The following C12orf42 variants were observed in gnomAD, a reference collection of about 807,000 sequenced individuals.
The protein encoded by C12orf42 is uncharacterized protein C12orf42.
C12orf42 carries 25 observed loss-of-function variants against 21.6 expected under a neutral mutation model. The ratio of observed to expected loss-of-function variants is 1.16; its 90% confidence interval spans 0.84 to 1.62. The LOEUF is 1.62. Among genes scored for constraint, C12orf42 ranks in the 40% most tolerant of loss-of-function variants. C12orf42 has a pLI of 0.00. For synonymous variants in C12orf42, 174 were observed against 175.0 expected (o/e 0.99, Z 0.05); for missense variants, 483 against 459.3 (o/e 1.05, Z -0.47).
At chr12:103,111,816 C>A in the C12orf42 span, among the ~76,000 whole-genome samples, 1 of 152,082 alleles carries the variant, frequency 6.6e-6, no homozygotes, top group Non-Finnish European at 1.5e-5. Flanking sequence ...CAGAATTTAC[C>A]TACATTATCA....
At chr12:103,235,505 C>T (rs532531791), downstream of C12orf42, among the ~76,000 whole-genome samples, 1 of 152,040 alleles carries the variant, frequency 6.6e-6, no homozygotes, top group Non-Finnish European at 1.5e-5. Flanking sequence ...TATTTTAATC[C>T]ATTGTTGGTA....
chr12:103,181,693 T>C, the C12orf42 span, among the ~76,000 whole-genome samples: 1 of 152,242 alleles, frequency 6.6e-6, no homozygotes, highest in Non-Finnish European at 1.5e-5. Context: ...ACGCAACAAA[T>C]TCTACTCTGT....
chr12:103,487,331 G>T (rs1954901199), intron 1 of C12orf42, among the ~76,000 whole-genome samples: 1 of 152,144 alleles, frequency 6.6e-6, no homozygotes, highest in African/African-American at 2.4e-5. Flanking sequence ...AATTTCTTGT[G>T]ATTTCTGTTC....
chr12:103,443,346 A>G (rs1951376658), intron 2 of C12orf42, among the ~76,000 whole-genome samples: 1 of 152,066 alleles, frequency 6.6e-6, no homozygotes, highest in South Asian at 2.1e-4. Flanking sequence ...GTCAATATCC[A>G]GTGACCTTCT....
rs895360607 is a variant in C12orf42, at chr12:103,442,052, G to A, written c.78+36297C>T. ...CCAGCTACTCAGGAGGCTGAAGTGG[G>A]AGGATCACTTGAGCCCAGGAGTTTA... On this transcript the variant is annotated intron_variant, in intron 2 of 5. Coordinates refer to ENST00000548883, the MANE Select transcript of C12orf42 (RefSeq NM_198521.5). Among the ~76,000 whole-genome samples the A allele has an allele frequency of 2.0e-5, 3 of 152,082 alleles. No homozygotes were observed. The South Asian group carries it at 6.2e-4, about 32-fold the overall frequency.
At chr12:103,347,686 T>C (rs1205947593) in intron 4 of C12orf42, among the ~76,000 whole-genome samples, 1 of 152,148 alleles carries the variant, frequency 6.6e-6, no homozygotes, top group Non-Finnish European at 1.5e-5. Context: ...TGCTTGATTC[T>C]AAAAGGCATT....
chr12:103,285,930 CAATT>C (rs1210563983), intron 4 of C12orf42, among the ~76,000 whole-genome samples: 1 of 152,044 alleles, frequency 6.6e-6, no homozygotes, highest in East Asian at 1.9e-4. Context: ...AGTAGGTGCT[CAATT>C]AATATGTGCT....
the C12orf42 span, among the ~76,000 whole-genome samples, chr12:103,535,874 C>T: frequency 6.6e-6 from 1 of 152,136 alleles, no homozygotes; most frequent in Non-Finnish European, 1.5e-5. Flanking sequence ...ATTGCCTGGT[C>T]TCAATTGACC....
At chr12:103,335,235 G>A (rs1174355434) in intron 4 of C12orf42, among the ~76,000 whole-genome samples, 1 of 152,216 alleles carries the variant, frequency 6.6e-6, no homozygotes, top group African/African-American at 2.4e-5. Flanking sequence ...TGCATAAGAG[G>A]AGAGTATAAA....
At chr12:103,296,179 C>A (rs906713045) in intron 4 of C12orf42, among the ~76,000 whole-genome samples, 2 of 152,118 alleles carry the variant, frequency 1.3e-5, no homozygotes, top group East Asian at 3.9e-4. Flanking sequence ...CATGTCCCTA[C>A]AAAGGACATG....
the C12orf42 span, among the ~76,000 whole-genome samples, chr12:103,130,459 C>T: frequency 1.3e-5 from 2 of 151,812 alleles, no homozygotes; most frequent in Admixed American, 6.6e-5. Flanking sequence ...TCATTTGATC[C>T]TTACAACAGC....
chr12:103,494,492 T>A (rs1469536919), intron 1 of C12orf42, among the ~76,000 whole-genome samples: 1 of 152,192 alleles, frequency 6.6e-6, no homozygotes, highest in Admixed American at 6.5e-5. Context: ...GGCATTTTTT[T>A]ATCTACTGTA....
At chr12:103,432,102 C>T (rs1950308072) in intron 2 of C12orf42, among the ~76,000 whole-genome samples, 1 of 152,186 alleles carries the variant, frequency 6.6e-6, no homozygotes, top group Admixed American at 6.5e-5. Flanking sequence ...GGGCTGTCCA[C>T]ATGTGTAGTG....
the C12orf42 span, among the ~76,000 whole-genome samples, chr12:103,082,078 G>A: frequency 1.3e-5 from 2 of 152,176 alleles, no homozygotes; most frequent in Non-Finnish European, 2.9e-5. Context: ...GAATTAGTGT[G>A]TAAAGACACT....
intron 4 of C12orf42, among the ~76,000 whole-genome samples, chr12:103,364,497 G>T (rs143491127): frequency 0.011 from 1,654 of 151,670 alleles, 16 homozygotes; most frequent in Non-Finnish European, 0.017. Flanking sequence ...AATCAAAACA[G>T]AACTAAATGA....
At chr12:103,490,761 ATCTCTT>A (rs1955134349) in intron 1 of C12orf42, among the ~76,000 whole-genome samples, 1 of 151,910 alleles carries the variant, frequency 6.6e-6, no homozygotes, top group Admixed American at 6.5e-5. Context: ...ATAAGTATCT[ATCTCTT>A]TCTAATTTAT....
At chr12:103,401,750 G>T in intron 2 of C12orf42, 75 bp from the exon 3 acceptor site, 1 of 1,387,416 alleles carries the variant, frequency 7.2e-7, no homozygotes, top group Non-Finnish European at 1.0e-6. Context: ...TCCTGAGATG[G>T]TTTTTAGGCA....
At chr12:103,112,138 C>A in the C12orf42 span, among the ~76,000 whole-genome samples, 45 of 152,172 alleles carry the variant, frequency 3.0e-4, no homozygotes, top group Non-Finnish European at 2.9e-4. Context: ...GTGCAAAAAC[C>A]AGTGAAGCGT....
At chr12:103,262,472 G>A (rs960895548) in intron 10 of C12orf42, 3 of 152,190 alleles carry the variant, frequency 2.0e-5, no homozygotes, top group African/African-American at 7.2e-5. Context: ...ATTCCAACCT[G>A]AGGAAAGCAA....
Sources: allele counts gnomAD v4.1 joint callset (sites outside exome capture counted in the v4.1 genomes callset), GRCh38; gene constraint gnomAD v4.1.1; transcripts MANE v1.5; gene names NCBI Gene and HGNC (gene_info 2026-07-23, HGNC 2026-07-21).